CACNA2D3: variants seen among roughly 807,000 people sequenced by gnomAD.
The protein encoded by CACNA2D3 is voltage-dependent calcium channel subunit alpha-2/delta-3.
CACNA2D3 carries 60 observed loss-of-function variants against 160.6 expected under a neutral mutation model. The ratio of observed to expected loss-of-function variants is 0.37; its 90% CI spans 0.30 to 0.46. The LOEUF (loss-of-function observed/expected upper bound fraction) is 0.46. Ranked by LOEUF, CACNA2D3 falls within the 20% of genes least tolerant of loss-of-function variation. The pLI, the probability that CACNA2D3 is intolerant of heterozygous loss-of-function variation, is 1.00. For synonymous variants in CACNA2D3, 558 were observed against 492.9 expected, an observed-to-expected ratio of 1.13 and a Z score of -1.75; for missense variants, 1,205 against 1,365.0, an observed-to-expected ratio of 0.88 and a Z score of 1.85.
chr3:54,440,386 C>G (rs1367716009), intron 4 of CACNA2D3, among the ~76,000 whole-genome samples: 1 of 152,142 alleles, frequency 6.6e-6, no homozygotes, highest in African/African-American at 2.4e-5. Context: ...TATTAGCAAA[C>G]AACTATTCTG....
At chr3:54,591,015 A>G (rs1173703570) in intron 9 of CACNA2D3, among the ~76,000 whole-genome samples, 3 of 152,048 alleles carry the variant, frequency 2.0e-5, no homozygotes, top group Admixed American at 2.0e-4. Context: ...CATTTTTTTT[A>G]TTAGTATTTG....
At chr3:54,405,484 A>G (rs1291108580) in intron 4 of CACNA2D3, among the ~76,000 whole-genome samples, 2 of 152,042 alleles carry the variant, frequency 1.3e-5, no homozygotes, top group African/African-American at 4.8e-5. Context: ...GAATAGTCTC[A>G]TTAATAAATG....
intron 3 of CACNA2D3, among the ~76,000 whole-genome samples, chr3:54,375,292 G>A (rs1444531552): frequency 1.3e-5 from 2 of 152,172 alleles, no homozygotes; most frequent in Non-Finnish European, 2.9e-5. Context: ...CAACAGCTGT[G>A]TCTTATAAAC....
At chr3:54,129,886 A>C (rs561317780) in intron 2 of CACNA2D3, among the ~76,000 whole-genome samples, 129 of 152,330 alleles carry the variant, frequency 8.5e-4, no homozygotes, top group African/African-American at 2.9e-3. Flanking sequence ...AACGTGCCAG[A>C]TAATGCTTGC....
At chr3:54,593,828 T>G (rs1038090587) in intron 9 of CACNA2D3, among the ~76,000 whole-genome samples, 7 of 152,178 alleles carry the variant, frequency 4.6e-5, no homozygotes, top group Non-Finnish European at 8.8e-5. Flanking sequence ...TATTTCACAG[T>G]GATTCAAATG....
chr3:54,355,128 T>C (rs1454533560), intron 3 of CACNA2D3, among the ~76,000 whole-genome samples: 1 of 152,140 alleles, frequency 6.6e-6, no homozygotes, highest in Admixed American at 6.6e-5. Context: ...GTAACCTCTT[T>C]AGAGTGGGAG....
At chr3:54,688,394 T>A (rs1232365003) in intron 11 of CACNA2D3, among the ~76,000 whole-genome samples, 2 of 151,964 alleles carry the variant, frequency 1.3e-5, no homozygotes, top group Non-Finnish European at 2.9e-5. Flanking sequence ...TTCCTGTGCC[T>A]TTTTTCCTAT....
chr3:54,793,604 T>C (rs1702806020), intron 13 of CACNA2D3, among the ~76,000 whole-genome samples: 1 of 152,188 alleles, frequency 6.6e-6, no homozygotes, highest in Admixed American at 6.5e-5. Flanking sequence ...CAAAAGCCTC[T>C]TACAGCCCTC....
At chr3:54,222,703 T>C (rs191878050) in intron 2 of CACNA2D3, among the ~76,000 whole-genome samples, 7 of 152,378 alleles carry the variant, frequency 4.6e-5, no homozygotes, top group African/African-American at 1.7e-4. Context: ...TCATAAGTTA[T>C]TGATTGCTAC....
intron 11 of CACNA2D3, among the ~76,000 whole-genome samples, chr3:54,725,510 T>G (rs1039521271): frequency 6.6e-6 from 1 of 152,110 alleles, no homozygotes; most frequent in African/African-American, 2.4e-5. Flanking sequence ...TGCAAAAATC[T>G]TCAATAAAAA....
At chr3:54,279,097 T>C (rs1185146107) in intron 2 of CACNA2D3, among the ~76,000 whole-genome samples, 1 of 152,208 alleles carries the variant, frequency 6.6e-6, no homozygotes, top group Non-Finnish European at 1.5e-5. Context: ...TAAATGGACT[T>C]GTTTCCTCAT....
chr3:54,873,443 A>G (rs1219590070), intron 18 of CACNA2D3, among the ~76,000 whole-genome samples: 1 of 151,450 alleles, frequency 6.6e-6, no homozygotes, highest in Non-Finnish European at 1.5e-5. Flanking sequence ...CCCTTTTTGC[A>G]TGCTACTTGA....
At chr3:55,070,399 G>A (rs1704776143) in intron 35 of CACNA2D3, among the ~76,000 whole-genome samples, 1 of 152,168 alleles carries the variant, frequency 6.6e-6, no homozygotes, top group Admixed American at 6.5e-5. Context: ...AGAGAAATGG[G>A]GTGGTTGCAG....
At chr3:54,213,074 T>C (rs1469219996) in intron 2 of CACNA2D3, among the ~76,000 whole-genome samples, 1 of 152,146 alleles carries the variant, frequency 6.6e-6, no homozygotes, top group East Asian at 1.9e-4. Flanking sequence ...CACCATCAAT[T>C]GTTTATTGTG....
chr3:54,690,706 C>T (rs1700555534), intron 11 of CACNA2D3, among the ~76,000 whole-genome samples: 1 of 152,028 alleles, frequency 6.6e-6, no homozygotes, highest in African/African-American at 2.4e-5. Flanking sequence ...ATGGATCCTG[C>T]AATTTGGGAG....
At chr3:54,798,340 C>T (rs1324318592) in intron 13 of CACNA2D3, among the ~76,000 whole-genome samples, 1 of 152,056 alleles carries the variant, frequency 6.6e-6, no homozygotes, top group South Asian at 2.1e-4. Context: ...TGAGACCACC[C>T]TGGCCAACAT....
At chr3:54,507,441 C>T (rs911603916) in intron 5 of CACNA2D3, among the ~76,000 whole-genome samples, 7 of 152,192 alleles carry the variant, frequency 4.6e-5, no homozygotes, top group Non-Finnish European at 7.3e-5. Flanking sequence ...TCTCTGAGGG[C>T]AGAGGACCCT....
intron 13 of CACNA2D3, among the ~76,000 whole-genome samples, chr3:54,813,863 CTTTTT>C (rs10699574): frequency 1.6e-5 from 2 of 121,592 alleles, no homozygotes. Flanking sequence ...TTATAATATT[CTTTTT>C]TTTTTTTTTT....
intron 2 of CACNA2D3, among the ~76,000 whole-genome samples, chr3:54,170,189 CAA>C (rs1304301578): frequency 2.0e-4 from 15 of 73,182 alleles, no homozygotes; most frequent in Admixed American, 1.7e-4. Flanking sequence ...GCCTCCATCT[CAA>C]AAAAAAAAAA....
Sources: gnomAD v4.1 joint callset for allele counts (sites outside exome capture counted in the v4.1 genomes callset) on GRCh38, gnomAD v4.1.1 for gene constraint, MANE v1.5 for transcripts, NCBI Gene and HGNC (gene_info 2026-07-23, HGNC 2026-07-21) for gene names.